The following RPS24 variants were observed in gnomAD, a reference collection of about 807,000 sequenced individuals.
The protein encoded by RPS24 is small ribosomal subunit protein eS24.
For missense variants in RPS24, 100 were observed against 162.5 expected, an observed-to-expected ratio of 0.62 and a Z score of 2.09; for synonymous variants, 72 against 55.6, an observed-to-expected ratio of 1.30 and a Z score of -1.31.
downstream of RPS24, among the ~76,000 whole-genome samples, chr10:78,043,569 C>T (rs1026390188): frequency 6.6e-6 from 1 of 151,018 alleles, no homozygotes; most frequent in Non-Finnish European, 1.5e-5. Context: ...AGATGGCTAG[C>T]CAAATTCCCA....
Position 78,034,415 on chromosome 10 carries a change from T to C in RPS24, c.3+511T>C, listed in dbSNP as rs529239890. 1.0e-4 allele frequency: 19 copies of C among 181,528 alleles called. No homozygotes were observed. In the South Asian group the frequency reaches 2.0e-3, roughly 19 times the overall value. The allele number at this position is 181,528 out of a possible 1,614,324, so 11.2% of individuals were successfully genotyped here. ...AAACAGGCCCTGGAAAGAGATGTTA[T>C]AAAAAGGTAGTCCTGCCCTAAGTCA... is the stretch of plus-strand genomic sequence containing the variant. On this transcript the variant is annotated intron_variant, in intron 1 of 5. Coordinates refer to ENST00000372360, the MANE Select transcript of RPS24 (RefSeq NM_033022.4).
At chr10:78,044,594 C>T (rs950737598), downstream of RPS24, among the ~76,000 whole-genome samples, 7 of 151,878 alleles carry the variant, frequency 4.6e-5, 1 homozygote, top group African/African-American at 1.5e-4. Flanking sequence ...CACCTCCATA[C>T]ATTAATCCAA....
intron 4 of RPS24, chr10:78,048,874 C>CAA (rs59311975): frequency 0.056 from 3,135 of 56,234 alleles, 186 homozygotes; most frequent in African/African-American, 0.16. Context: ...GAGTCCATCT[C>CAA]AAAAAAAAAA....
At chr10:78,040,460 C>T (rs957471562) in intron 5 of RPS24, 155 bp from the exon 6 acceptor site, 1 of 733,286 alleles carries the variant, frequency 1.4e-6, no homozygotes, top group Middle Eastern at 3.1e-4. Context: ...AATTTTATTT[C>T]TTGATGCTTT....
chr10:78,048,482 C>T (rs1197733897), intron 4 of RPS24, among the ~76,000 whole-genome samples: 16 of 152,050 alleles, frequency 1.1e-4, no homozygotes, highest in African/African-American at 2.2e-4. Flanking sequence ...CTTTTCAGAG[C>T]GCTATAGATG....
intron 3 of RPS24, chr10:78,036,117 C>T: frequency 3.3e-6 from 1 of 305,750 alleles, no homozygotes; most frequent in Non-Finnish European, 6.4e-6. Flanking sequence ...GTGTCAAACA[C>T]TGCAGAGTGA....
chr10:78,035,290 A>T lies in RPS24; in HGVS notation c.4-62A>T, dbSNP rs543587507. 2.6e-5 allele frequency: 40 copies of T among 1,509,446 alleles called. No individual in the cohort carries two copies. In the African/African-American group the frequency reaches 4.3e-4, roughly 16 times the overall value. 93.5% of individuals were successfully genotyped at this position (1,509,446 alleles called of 1,614,324 possible). A position where few individuals can be genotyped will look rare whatever the true frequency, so the allele number is the denominator to read the frequency against. ...GACTGCAACATTCTAGGTCTTGGAA[A>T]ATCACAGCAAGGCCAAGAAAAGTTG... On this transcript the variant is annotated intron_variant, in intron 1 of 5. Transcript: ENST00000372360.
rs1400907927 is a variant in RPS24, at chr10:78,054,570, A to G, written c.430A>G (p.Ile144Val). ...GCTTGGAGTGCAAGCATTGGGAAGA[A>G]TTTCCCAGGAAGAGAGATGCACAGA... The change falls in exon 5 of 5, where the codon ATT becomes GTT. Residue 144 changes from isoleucine to valine, a missense_variant. Physicochemically the swap from Ile to Val is conservative, Grantham distance 29 (BLOSUM62 3). Transcript: ENST00000440692. 2.6e-6 allele frequency: 4 copies of G among 1,547,508 alleles called. No homozygotes were observed. In the African/African-American group the frequency reaches 5.5e-5, roughly 21 times the overall value.
At chr10:78,044,610 C>T (rs1848023064), downstream of RPS24, among the ~76,000 whole-genome samples, 2 of 151,748 alleles carry the variant, frequency 1.3e-5, no homozygotes, top group African/African-American at 4.8e-5. Context: ...TCCAACTGTC[C>T]TTCCCCATCC....
downstream of RPS24, among the ~76,000 whole-genome samples, chr10:78,043,604 C>T (rs112799777): frequency 6.6e-6 from 1 of 152,208 alleles, no homozygotes; most frequent in East Asian, 1.9e-4. Flanking sequence ...TGCTGTGTCC[C>T]TGTTCTGCAA....
At chr10:78,049,945 C>T (rs965798613) in intron 4 of RPS24, among the ~76,000 whole-genome samples, 5 of 152,214 alleles carry the variant, frequency 3.3e-5, no homozygotes, top group African/African-American at 4.8e-5. Context: ...GTCTTTGCCA[C>T]AGCAGGAAGA....
chr10:78,036,719 A>G (rs1847876689), intron 3 of RPS24, among the ~76,000 whole-genome samples: 1 of 152,198 alleles, frequency 6.6e-6, no homozygotes, highest in South Asian at 2.1e-4. Flanking sequence ...AGATACAGAA[A>G]CAGTCTTGTA....
chr10:78,043,152 C>T (rs946665633), downstream of RPS24, among the ~76,000 whole-genome samples: 2 of 151,982 alleles, frequency 1.3e-5, no homozygotes, highest in Admixed American at 6.6e-5. Flanking sequence ...TACAGGTGCC[C>T]GCCACCATGC....
chr10:78,037,543 TG>T (rs1355139911), intron 4 of RPS24: 1 of 543,184 alleles, frequency 1.8e-6, no homozygotes, highest in Non-Finnish European at 3.1e-6. Flanking sequence ...GAGGCCACAT[TG>T]GTTCATTGAT....
chr10:78,034,488 T>C (rs1023279207), intron 1 of RPS24: 1 of 152,388 alleles, frequency 6.6e-6, no homozygotes, highest in African/African-American at 2.4e-5. Context: ...ACCAGCAATC[T>C]TTTTTTTTTC....
At chr10:78,053,448 A>G (rs1848119777) in intron 4 of RPS24, among the ~76,000 whole-genome samples, 1 of 152,132 alleles carries the variant, frequency 6.6e-6, no homozygotes, top group African/African-American at 2.4e-5. Context: ...GCCCAGATTC[A>G]TCATGTCTCA....
intron 1 of RPS24, among the ~76,000 whole-genome samples, chr10:78,034,626 C>T (rs1429152026): frequency 1.3e-5 from 2 of 152,194 alleles, no homozygotes; most frequent in Non-Finnish European, 2.9e-5. Flanking sequence ...TCTCTTGCGC[C>T]TCCTTTTTGG....
At position 78,037,395 on chromosome 10, in the gene RPS24, C is replaced by G. The variant is rs1224650017; in HGVS notation, c.390+91C>G. The G allele has an allele frequency of 2.7e-6, 4 of 1,499,430 alleles. No homozygotes were observed. The East Asian group carries it at 7.4e-5, about 28-fold the overall frequency. The allele number at this position is 1,499,430 out of a possible 1,614,324, so 92.9% of individuals were successfully genotyped here. A position where few individuals can be genotyped will look rare whatever the true frequency, so the allele number is the denominator to read the frequency against. On this transcript the variant is annotated intron_variant, in intron 4 of 5. Coordinates refer to ENST00000372360, the MANE Select transcript of RPS24 (RefSeq NM_033022.4). Reference sequence around the variant, plus strand: ...GGGATCTTATTAATTTTTAAAATAACTTTTCTTAATGTTTCTTCTTTTCCC... The same window carrying G: ...GGGATCTTATTAATTTTTAAAATAAGTTTTCTTAATGTTTCTTCTTTTCCC...
At chr10:78,040,308 T>G (rs960353039) in intron 5 of RPS24, 83 bp downstream of exon 5, 3 of 1,101,390 alleles carry the variant, frequency 2.7e-6, no homozygotes, top group Non-Finnish European at 4.2e-6. Context: ...GCAGATCATG[T>G]GTAGTACATC....
Sources: gnomAD v4.1 joint callset for allele counts (sites outside exome capture counted in the v4.1 genomes callset) on GRCh38, gnomAD v4.1.1 for gene constraint, MANE v1.5 for transcripts, NCBI Gene and HGNC (gene_info 2026-07-23, HGNC 2026-07-21) for gene names.